GLCE: variants seen among roughly 807,000 people sequenced by gnomAD.
GLCE encodes D-glucuronyl C5-epimerase.
GLCE carries 19 observed loss-of-function variants against 47.9 expected under a neutral mutation model. The observed-to-expected ratio is 0.40, with a 90% CI of 0.28 to 0.58. GLCE has a LOEUF of 0.58. Ranked by LOEUF, GLCE falls within the 20% of genes least tolerant of loss-of-function variation. The probability of loss-of-function intolerance (pLI) is 0.48; values close to 1 mark genes in which losing one functional copy is unlikely to be tolerated. For missense variants in GLCE, 556 were observed against 743.3 expected, an observed-to-expected ratio of 0.75 and a Z score of 2.93; for synonymous variants, 245 against 263.4, an observed-to-expected ratio of 0.93 and a Z score of 0.68.
At chr15:69,185,102 A>T (rs1026139148) in intron 1 of GLCE, among the ~76,000 whole-genome samples, 2 of 152,200 alleles carry the variant, frequency 1.3e-5, no homozygotes, top group African/African-American at 4.8e-5. Flanking sequence ...TTGTGTTCTA[A>T]TGCTCTGAGG....
intron 1 of GLCE, among the ~76,000 whole-genome samples, chr15:69,197,763 A>G (rs2052015503): frequency 6.6e-6 from 1 of 152,162 alleles, no homozygotes; most frequent in East Asian, 1.9e-4. Flanking sequence ...CAGTGAGTGT[A>G]GATAACACTT....
chr15:69,261,352 CT>C lies in GLCE; in HGVS notation c.829+24del. 4 of 1,599,770 alleles carry C rather than the reference CT, an allele frequency of 2.5e-6. No homozygotes were observed. The South Asian group carries it at 4.5e-5, about 18-fold the overall frequency. On this transcript the variant is annotated intron_variant, in intron 4 of 4. Coordinates refer to ENST00000261858, the MANE Select transcript of GLCE (RefSeq NM_015554.3). Reference sequence around the variant, plus strand: ...CAGGTAAGTTATGTATTATATGTGCCTGCTAATTTTATGTTGATTTATGGGA... The same window carrying C: ...CAGGTAAGTTATGTATTATATGTGCCGCTAATTTTATGTTGATTTATGGGA...
At chr15:69,202,317 A>G (rs2052087325) in intron 1 of GLCE, among the ~76,000 whole-genome samples, 2 of 152,166 alleles carry the variant, frequency 1.3e-5, no homozygotes, top group South Asian at 4.1e-4. Context: ...TATAGTGAAG[A>G]ACTGCCAACT....
chr15:69,261,321 T>C lies in GLCE; in HGVS notation c.821T>C (p.Ile274Thr). ...KSRFTNVKQF[I>T]APETSEGVSL... ...AGATTCACCAATGTCAAACAGTTTATTGCACCAGGTAAGTTATGTATTATA... is the reference window on the plus strand; with the variant it reads ...AGATTCACCAATGTCAAACAGTTTACTGCACCAGGTAAGTTATGTATTATA... Residue 274 changes from isoleucine to threonine, a missense_variant, in exon 4 of 5, where the codon ATT becomes ACT. Around this residue, in one of 3 missense-constraint regions of GLCE, gnomAD observed 74 missense variants for 64.4 expected, o/e 1.15. Transcript: ENST00000261858. The C allele has an allele frequency of 6.2e-7, 1 of 1,613,650 alleles. No homozygotes were observed.
intron 1 of GLCE, among the ~76,000 whole-genome samples, chr15:69,172,246 CA>C (rs1278340643): frequency 6.6e-6 from 1 of 152,158 alleles, no homozygotes; most frequent in Non-Finnish European, 1.5e-5. Context: ...AGACTGATAT[CA>C]GAGCTTGGTG....
chr15:69,235,053 T>C (rs553578163), intron 2 of GLCE, among the ~76,000 whole-genome samples: 27 of 149,990 alleles, frequency 1.8e-4, no homozygotes, highest in Non-Finnish European at 3.1e-4. Context: ...AACAAATATT[T>C]GTTGATTAAA....
rs760271175 is a variant in GLCE, at chr15:69,261,205, A to G, written c.705A>G (p.Val235=). 7.4e-6 allele frequency: 12 copies of G among 1,614,160 alleles called. No homozygotes were observed. The East Asian group carries it at 2.5e-4, about 33-fold the overall frequency. ...CTGAGAAACCTCCTCACATAGAGGT[A>G]TATGAAACAGCAGAAGACAGAGACA... ...NLTEKPPHIE[V]YETAEDRDKN... is the part of the protein sequence containing the mutation. The change falls in exon 4 of 5, where the codon GTA becomes GTG. Residue 235 remains valine, a synonymous_variant. Transcript: ENST00000261858.
chr15:69,242,557 A>G (rs1020571907), intron 2 of GLCE, among the ~76,000 whole-genome samples: 1 of 152,106 alleles, frequency 6.6e-6, no homozygotes, highest in Non-Finnish European at 1.5e-5. Flanking sequence ...GCTCATTGTC[A>G]TTAACTGCTG....
At chr15:69,230,255 T>C (rs989528496) in intron 2 of GLCE, among the ~76,000 whole-genome samples, 6 of 149,502 alleles carry the variant, frequency 4.0e-5, no homozygotes, top group Non-Finnish European at 8.9e-5. Context: ...AAAAAAGATA[T>C]ACCGTGTAGA....
rs149981849 is a variant in GLCE, at chr15:69,254,764, A to G, written c.-13-1030A>G. ...AAATCTATTTGACCTCCAAATAAAG[A>G]TATATGTATTGGATATACGTATCTG... On this transcript the variant is annotated intron_variant, in intron 2 of 4. Coordinates refer to ENST00000261858, the MANE Select transcript of GLCE (RefSeq NM_015554.3). Among the ~76,000 whole-genome samples, 1,082 of 152,292 alleles carry G rather than the reference A, an allele frequency of 7.1e-3. 17 individuals are homozygous for G. Among genetic ancestry groups the G allele is most frequent in the African/African-American group, 0.025 (1,042 of 41,562 alleles).
At chr15:69,191,616 T>C (rs573254256) in intron 1 of GLCE, among the ~76,000 whole-genome samples, 1 of 152,268 alleles carries the variant, frequency 6.6e-6, no homozygotes, top group South Asian at 2.1e-4. Context: ...TGGGAGCTGG[T>C]CAGGTAAGCG....
At chr15:69,201,935 T>C (rs1251093906) in intron 1 of GLCE, among the ~76,000 whole-genome samples, 1 of 152,042 alleles carries the variant, frequency 6.6e-6, no homozygotes, top group Non-Finnish European at 1.5e-5. Context: ...ACTGTTATTT[T>C]TGAGAAAGGG....
chr15:69,221,671 C>T (rs187913174), intron 2 of GLCE, among the ~76,000 whole-genome samples: 9 of 151,600 alleles, frequency 5.9e-5, no homozygotes, highest in Admixed American at 4.6e-4. Flanking sequence ...AAGACCAGCC[C>T]GGCCATCATG....
intron 1 of GLCE, among the ~76,000 whole-genome samples, chr15:69,187,770 A>G (rs1595744099): frequency 1.3e-5 from 2 of 152,204 alleles, no homozygotes; most frequent in South Asian, 4.1e-4. Flanking sequence ...TTTCATATCA[A>G]CACTACTTGG....
intron 1 of GLCE, among the ~76,000 whole-genome samples, chr15:69,161,536 G>A (rs2051421102): frequency 6.6e-6 from 1 of 152,142 alleles, no homozygotes; most frequent in African/African-American, 2.4e-5. Flanking sequence ...CAGTCTCTCG[G>A]GGTGGGCGCG....
At chr15:69,266,225 A>G (rs910042966) in intron 4 of GLCE, among the ~76,000 whole-genome samples, 3 of 152,194 alleles carry the variant, frequency 2.0e-5, no homozygotes, top group Non-Finnish European at 4.4e-5. Flanking sequence ...CCTTGGGACA[A>G]ATATAACCAT....
At chr15:69,185,449 A>G (rs568824539) in intron 1 of GLCE, among the ~76,000 whole-genome samples, 1 of 152,258 alleles carries the variant, frequency 6.6e-6, no homozygotes, top group Non-Finnish European at 1.5e-5. Context: ...GTGGTAAAGT[A>G]GAAAGTGGAC....
At chr15:69,243,057 C>CAAAAAAAAA (rs547412078) in intron 2 of GLCE, among the ~76,000 whole-genome samples, 1 of 42,288 alleles carries the variant, frequency 2.4e-5, no homozygotes, top group Admixed American at 2.6e-4. Flanking sequence ...AGATCCTGTC[C>CAAAAAAAAA]AAAAAAAAAA....
intron 2 of GLCE, among the ~76,000 whole-genome samples, chr15:69,250,571 T>C (rs931592853): frequency 7.9e-5 from 12 of 152,018 alleles, no homozygotes; most frequent in Non-Finnish European, 1.6e-4. Flanking sequence ...ACAGTGGCTC[T>C]TCACAGGCGC....
Sources: allele counts gnomAD v4.1 joint callset (sites outside exome capture counted in the v4.1 genomes callset), GRCh38; gene constraint gnomAD v4.1.1; regional missense constraint gnomAD v4.1.1; transcripts MANE v1.5; gene names NCBI Gene and HGNC (gene_info 2026-07-23, HGNC 2026-07-21).